RFX4: variants seen among roughly 807,000 people sequenced by gnomAD.
RFX4 encodes transcription factor RFX4.
Under a neutral mutation model 95.0 loss-of-function variants are expected in RFX4, and 10 were observed. The ratio of observed to expected loss-of-function variants is 0.11; its 90% CI spans 0.06 to 0.18. The LOEUF (loss-of-function observed/expected upper bound fraction) is 0.18. Among genes scored for constraint, RFX4 ranks in the 10% least tolerant of loss-of-function variants. The probability of loss-of-function intolerance (pLI) is 1.00; values close to 1 mark genes in which losing one functional copy is unlikely to be tolerated. For synonymous variants in RFX4, 321 were observed against 340.7 expected, an observed-to-expected ratio of 0.94 and a Z score of 0.64; for missense variants, 640 against 922.0, an observed-to-expected ratio of 0.69 and a Z score of 3.96.
chr12:106,616,355 T>C (rs1050839590), intron 2 of RFX4, among the ~76,000 whole-genome samples: 5 of 152,172 alleles, frequency 3.3e-5, no homozygotes, highest in Non-Finnish European at 7.4e-5. Context: ...GGGTGTGATT[T>C]TTATATATTT....
intron 3 of RFX4, among the ~76,000 whole-genome samples, chr12:106,646,665 G>T (rs559866267): frequency 8.5e-5 from 13 of 152,084 alleles, no homozygotes; most frequent in Non-Finnish European, 1.6e-4. Context: ...AAACCTACAG[G>T]TTCAGCAATC....
chr12:106,703,219 C>G (rs989147499), intron 8 of RFX4, among the ~76,000 whole-genome samples: 17 of 152,150 alleles, frequency 1.1e-4, no homozygotes, highest in African/African-American at 3.6e-4. Flanking sequence ...CCTCAGCTCT[C>G]TAATGGTTTA....
At chr12:106,684,983 T>C in intron 5 of RFX4, 1 of 1,592,482 alleles carries the variant, frequency 6.3e-7, no homozygotes. Flanking sequence ...GCAAAAGCCC[T>C]TCCCATAATT....
intron 17 of RFX4, among the ~76,000 whole-genome samples, chr12:106,756,253 G>A (rs542990023): frequency 2.0e-5 from 3 of 152,200 alleles, no homozygotes; most frequent in Non-Finnish European, 4.4e-5. Flanking sequence ...ACCAAAAGGA[G>A]AAAATAAACC....
At chr12:106,643,162 G>T (rs569740387) in intron 3 of RFX4, among the ~76,000 whole-genome samples, 10 of 152,144 alleles carry the variant, frequency 6.6e-5, no homozygotes, top group Admixed American at 6.5e-4. Context: ...TGGGAGAGGC[G>T]GTTGCCTTCA....
chr12:106,754,767 G>A (rs2043078675), intron 17 of RFX4, among the ~76,000 whole-genome samples: 1 of 152,210 alleles, frequency 6.6e-6, no homozygotes, highest in Admixed American at 6.5e-5. Flanking sequence ...GACAAGGTGT[G>A]AGAGTCCAAA....
chr12:106,614,767 C>T (rs1439085885), intron 2 of RFX4, among the ~76,000 whole-genome samples: 1 of 152,068 alleles, frequency 6.6e-6, no homozygotes, highest in Admixed American at 6.6e-5. Flanking sequence ...CCTTGGCCTC[C>T]CAAAGTGCTA....
chr12:106,652,483 T>A (rs1384711366), intron 3 of RFX4, among the ~76,000 whole-genome samples: 1 of 152,150 alleles, frequency 6.6e-6, no homozygotes, highest in Non-Finnish European at 1.5e-5. Flanking sequence ...TGGACCTCAA[T>A]GATGCAGAAT....
At chr12:106,609,169 C>T (rs1380128189) in intron 2 of RFX4, among the ~76,000 whole-genome samples, 5 of 152,202 alleles carry the variant, frequency 3.3e-5, no homozygotes, top group Non-Finnish European at 5.9e-5. Flanking sequence ...GTTATAGTGA[C>T]GCTCTAGGCG....
chr12:106,613,366 A>AT lies in RFX4; in HGVS notation c.130+4498dup, dbSNP rs543428046. On this transcript the variant is annotated intron_variant, in intron 2 of 17. Coordinates refer to ENST00000392842, the MANE Select transcript of RFX4 (RefSeq NM_213594.3). ...TATTTTGCTGAGGATTTTTGCATCA[A>AT]TTTTTTTTTTTTTTTAGATGCAGTC... Among the ~76,000 whole-genome samples, 1,306 of 141,520 alleles carry AT rather than the reference A, an allele frequency of 9.2e-3. 10 individuals are homozygous for AT. Among genetic ancestry groups the AT allele is most frequent in the African/African-American group, 0.03 (1,150 of 38,558 alleles). The allele number at this position is 141,520 out of a possible 152,430, so 92.8% of individuals were successfully genotyped here. A position where few individuals can be genotyped will look rare whatever the true frequency, so the allele number is the denominator to read the frequency against.
intron 4 of RFX4, among the ~76,000 whole-genome samples, chr12:106,665,935 TAA>T (rs1009460612): frequency 6.6e-6 from 1 of 151,908 alleles, no homozygotes; most frequent in Non-Finnish European, 1.5e-5. Context: ...ACAAGAAAAA[TAA>T]GTTTTTATTT....
At chr12:106,648,800 A>G (rs4964479) in intron 3 of RFX4, among the ~76,000 whole-genome samples, 47,091 of 151,806 alleles carry the variant, frequency 0.31, 8,012 homozygotes, top group African/African-American at 0.45. Flanking sequence ...AGATCTCTGC[A>G]TATACATATA....
intron 10 of RFX4, 98 bp downstream of exon 10, chr12:106,711,609 A>T (rs189905193): frequency 1.1e-6 from 1 of 929,654 alleles, no homozygotes; most frequent in East Asian, 2.4e-5. Flanking sequence ...TTTCAGGTTA[A>T]CAGGGCACTC....
At chr12:106,611,570 G>A (rs2039961900) in intron 2 of RFX4, among the ~76,000 whole-genome samples, 1 of 151,742 alleles carries the variant, frequency 6.6e-6, no homozygotes, top group Admixed American at 6.6e-5. Flanking sequence ...GAGTACAGTG[G>A]CGCTGTCTCG....
chr12:106,700,209 T>A (rs1205543593), intron 8 of RFX4, among the ~76,000 whole-genome samples: 1 of 151,824 alleles, frequency 6.6e-6, no homozygotes, highest in Non-Finnish European at 1.5e-5. Flanking sequence ...TTTTTTTACT[T>A]TTATGTAGAG....
chr12:106,709,050 T>G (rs2042144340), intron 8 of RFX4, among the ~76,000 whole-genome samples: 2 of 152,156 alleles, frequency 1.3e-5, no homozygotes, highest in Non-Finnish European at 2.9e-5. Context: ...TTCAAAAGCA[T>G]GAAGGAGCAT....
At chr12:106,593,644 C>T (rs937100208) in intron 1 of RFX4, among the ~76,000 whole-genome samples, 1 of 152,202 alleles carries the variant, frequency 6.6e-6, no homozygotes, top group African/African-American at 2.4e-5. Context: ...AGTTACATTA[C>T]ACTTTTGAAG....
At chr12:106,742,665 G>A (rs1191715614) in intron 15 of RFX4, among the ~76,000 whole-genome samples, 8 of 152,178 alleles carry the variant, frequency 5.3e-5, no homozygotes, top group Non-Finnish European at 1.0e-4. Flanking sequence ...AAGATCTCCA[G>A]TGATTCAAAT....
intron 2 of RFX4, among the ~76,000 whole-genome samples, chr12:106,625,776 C>G (rs534433604): frequency 2.0e-5 from 3 of 152,310 alleles, no homozygotes; most frequent in South Asian, 4.1e-4. Flanking sequence ...CAGCACCAGG[C>G]AGTATGCTGG....
Sources: gnomAD v4.1 joint callset for allele counts (sites outside exome capture counted in the v4.1 genomes callset) on GRCh38, gnomAD v4.1.1 for gene constraint, MANE v1.5 for transcripts, NCBI Gene and HGNC (gene_info 2026-07-23, HGNC 2026-07-21) for gene names.